RABGAP1L: variants seen among roughly 807,000 people sequenced by gnomAD.
RABGAP1L encodes the protein RAB GTPase activating protein 1 like.
A neutral mutation model predicts 137.7 loss-of-function variants in RABGAP1L; 63 were observed. The observed-to-expected ratio is 0.46, with a 90% confidence interval of 0.37 to 0.56. RABGAP1L has a LOEUF of 0.56. Ranked by LOEUF, RABGAP1L falls within the 20% of genes least tolerant of loss-of-function variation. RABGAP1L has a pLI of 0.00. For synonymous variants in RABGAP1L, 431 were observed against 433.7 expected (o/e 0.99, Z 0.08); for missense variants, 1,095 against 1,244.0 (o/e 0.88, Z 1.80).
At chr1:174,931,806 T>C (rs1663836858) in intron 19 of RABGAP1L, among the ~76,000 whole-genome samples, 1 of 152,112 alleles carries the variant, frequency 6.6e-6, no homozygotes, top group African/African-American at 2.4e-5. Flanking sequence ...TTGCCTTTTA[T>C]TACTTCCTGT....
Position 174,905,807 on chromosome 1 carries a change from C to T in RABGAP1L, c.2341-51650C>T, listed in dbSNP as rs554963586. On this transcript the variant is annotated intron_variant, in intron 19 of 25. Transcript: ENST00000681986. ...TGGAGGTTGTAGTGAGCTGAGATCG[C>T]GCCACTGTACTCTAGCCTGGGTAAC... is the stretch of plus-strand genomic sequence containing the variant. 1.8e-4 allele frequency among the ~76,000 whole-genome samples: 28 copies of T among 151,630 alleles called. No individual in the cohort carries two copies. The East Asian group carries it at 2.7e-3, about 15-fold the overall frequency.
At chr1:174,964,984 A>C in intron 20 of RABGAP1L, 1 of 1,487,848 alleles carries the variant, frequency 6.7e-7, no homozygotes, top group Non-Finnish European at 9.0e-7. Context: ...ACTTTTGAGG[A>C]GGTAAGTTTT....
intron 13 of RABGAP1L, among the ~76,000 whole-genome samples, chr1:174,453,056 G>A (rs761478241): frequency 1.8e-4 from 28 of 152,078 alleles, no homozygotes; most frequent in Non-Finnish European, 3.1e-4. Flanking sequence ...CTGAAAGCTC[G>A]TTTCCCAGGA....
intron 11 of RABGAP1L, among the ~76,000 whole-genome samples, chr1:174,312,980 T>C (rs1023656012): frequency 5.3e-5 from 8 of 152,214 alleles, no homozygotes; most frequent in African/African-American, 1.7e-4. Context: ...GCCAGTCCCA[T>C]GCTGTTTTGG....
intron 1 of RABGAP1L, among the ~76,000 whole-genome samples, chr1:174,184,523 A>G (rs1666648217): frequency 6.6e-6 from 1 of 152,248 alleles, no homozygotes; most frequent in African/African-American, 2.4e-5. Flanking sequence ...AGTGAATGAA[A>G]TGACATCATA....
chr1:174,161,942 A>G (rs1220757926), intron 1 of RABGAP1L, among the ~76,000 whole-genome samples: 1 of 151,878 alleles, frequency 6.6e-6, no homozygotes, highest in Admixed American at 6.6e-5. Context: ...CATGTTGCTC[A>G]GGCTAGTCTC....
intron 14 of RABGAP1L, among the ~76,000 whole-genome samples, chr1:174,675,460 G>C (rs1049145455): frequency 1.3e-4 from 20 of 151,496 alleles, no homozygotes; most frequent in African/African-American, 4.9e-4. Context: ...CTCTGTTTTG[G>C]TACCAGTACC....
chr1:174,808,305 C>T (rs1553255737), intron 18 of RABGAP1L, among the ~76,000 whole-genome samples: 1 of 151,786 alleles, frequency 6.6e-6, no homozygotes, highest in South Asian at 2.1e-4. Context: ...ATTCTTAAAA[C>T]GTAGCTGGCA....
At chr1:174,628,920 C>A (rs1020950771) in intron 13 of RABGAP1L, among the ~76,000 whole-genome samples, 1 of 151,986 alleles carries the variant, frequency 6.6e-6, no homozygotes, top group African/African-American at 2.4e-5. Flanking sequence ...ATGTTTTCAG[C>A]CATATAAAAA....
intron 3 of RABGAP1L, among the ~76,000 whole-genome samples, chr1:174,227,434 C>T (rs572324417): frequency 6.6e-6 from 1 of 151,838 alleles, no homozygotes; most frequent in South Asian, 2.1e-4. Flanking sequence ...ATCTCTTGAC[C>T]TCATGATCTG....
At chr1:174,895,668 C>T (rs1205012197) in intron 19 of RABGAP1L, among the ~76,000 whole-genome samples, 4 of 152,006 alleles carry the variant, frequency 2.6e-5, no homozygotes, top group Non-Finnish European at 5.9e-5. Flanking sequence ...GTTCAGTTCC[C>T]ACCTATGAGT....
At chr1:174,912,264 T>C (rs6425304) in intron 19 of RABGAP1L, among the ~76,000 whole-genome samples, 55,721 of 151,956 alleles carry the variant, frequency 0.37, 13,331 homozygotes, top group African/African-American at 0.68. Flanking sequence ...GCCTCAGCCT[T>C]CTGAGTAGCT....
intron 17 of RABGAP1L, among the ~76,000 whole-genome samples, chr1:174,721,934 A>G (rs543967456): frequency 6.6e-5 from 10 of 152,182 alleles, no homozygotes; most frequent in African/African-American, 2.2e-4. Flanking sequence ...TTGATACTCA[A>G]TTTTTTTGTT....
At chr1:174,635,639 A>C (rs941293457) in intron 13 of RABGAP1L, among the ~76,000 whole-genome samples, 1 of 127,554 alleles carries the variant, frequency 7.8e-6, no homozygotes, top group Non-Finnish European at 1.5e-5. Flanking sequence ...GTGATTTTTT[A>C]AGGCTCTATT....
chr1:174,436,757 G>C (rs1380353501), intron 13 of RABGAP1L, among the ~76,000 whole-genome samples: 1 of 152,124 alleles, frequency 6.6e-6, no homozygotes, highest in African/African-American at 2.4e-5. Flanking sequence ...TCTCAGAATG[G>C]GCAGACTGCC....
intron 19 of RABGAP1L, among the ~76,000 whole-genome samples, chr1:174,888,523 C>A (rs975729072): frequency 1.3e-5 from 2 of 152,148 alleles, no homozygotes; most frequent in Non-Finnish European, 2.9e-5. Context: ...CTCTCATTAA[C>A]CTATAACTTC....
chr1:174,645,255 T>C (rs1015928017), intron 14 of RABGAP1L, among the ~76,000 whole-genome samples: 3 of 152,124 alleles, frequency 2.0e-5, no homozygotes, highest in Non-Finnish European at 4.4e-5. Flanking sequence ...TTTTCAATTA[T>C]ACTTTAAGTT....
intron 13 of RABGAP1L, chr1:174,547,770 T>G (rs1482438211): frequency 7.7e-7 from 1 of 1,295,436 alleles, no homozygotes; most frequent in South Asian, 1.3e-5. Context: ...TAAATTGACG[T>G]TAGATGCATC....
chr1:174,400,081 C>T (rs1258827847), intron 13 of RABGAP1L, among the ~76,000 whole-genome samples: 2 of 152,096 alleles, frequency 1.3e-5, no homozygotes, highest in African/African-American at 4.8e-5. Flanking sequence ...TCAGGGGTGG[C>T]AAATATACAG....
Sources: allele counts gnomAD v4.1 joint callset (sites outside exome capture counted in the v4.1 genomes callset), GRCh38; gene constraint gnomAD v4.1.1; transcripts MANE v1.5; gene names NCBI Gene and HGNC (gene_info 2026-07-23, HGNC 2026-07-21).